Variants in DNAL1 observed in about 807,000 individuals in gnomAD.
DNAL1 encodes the protein dynein axonemal light chain 1.
Under a neutral mutation model 29.4 loss-of-function variants are expected in DNAL1, and 17 were observed. The observed-to-expected ratio is 0.58, with a 90% CI of 0.40 to 0.87. The LOEUF (loss-of-function observed/expected upper bound fraction) is 0.87. Ranked by LOEUF, DNAL1 falls within the 40% of genes least tolerant of loss-of-function variation. The pLI is 0.00. For missense variants in DNAL1, 188 were observed against 214.1 expected, an observed-to-expected ratio of 0.88 and a Z score of 0.76; for synonymous variants, 78 against 76.3, an observed-to-expected ratio of 1.02 and a Z score of -0.12.
Position 73,695,915 on chromosome 14 carries a change from T to A in DNAL1, c.546T>A (p.Ile182=). The change falls in exon 8 of 8, where the codon ATT becomes ATA. Residue 182 remains isoleucine (I), a synonymous_variant. Coordinates refer to ENST00000553645, the MANE Select transcript of DNAL1 (RefSeq NM_031427.4). The stretch of plus-strand genomic sequence containing the variant: ...TTTTCATTTTAGGTACTCCAGTAAT[T>A]AAAGGGGATGAGGAAGAAGACAACT... ...KLKKLDGTPV[I]KGDEEEDN 6.3e-7 allele frequency: 1 copy of A among 1,587,386 alleles called. No individual in the cohort carries two copies. The highest frequency in any genetic ancestry group is 8.6e-7 in the Non-Finnish European group (1 of 1,165,404).
intron 3 of DNAL1, among the ~76,000 whole-genome samples, chr14:73,660,156 C>A (rs963975852): frequency 2.6e-5 from 4 of 152,116 alleles, no homozygotes; most frequent in African/African-American, 9.7e-5. Flanking sequence ...TCTCGAACTC[C>A]TGACCTCAAG....
At chr14:73,691,838 C>T (rs1169746127) in intron 7 of DNAL1, among the ~76,000 whole-genome samples, 1 of 117,644 alleles carries the variant, frequency 8.5e-6, no homozygotes, top group African/African-American at 3.2e-5. Flanking sequence ...GAACTACAGG[C>T]GTGCGCCACC....
At chr14:73,666,571 ATTATG>A (rs1211903848) in intron 4 of DNAL1, among the ~76,000 whole-genome samples, 2 of 152,156 alleles carry the variant, frequency 1.3e-5, no homozygotes, top group Non-Finnish European at 1.5e-5. Context: ...GAAAATATAT[ATTATG>A]TTATGTTAGA....
intron 7 of DNAL1, among the ~76,000 whole-genome samples, chr14:73,695,225 T>C (rs1229143642): frequency 6.6e-6 from 1 of 150,808 alleles, no homozygotes; most frequent in Non-Finnish European, 1.5e-5. Context: ...CCTGGCTAAT[T>C]TTTTTTATTT....
intron 3 of DNAL1, among the ~76,000 whole-genome samples, chr14:73,661,171 A>AT (rs371719254): frequency 0.042 from 6,424 of 151,984 alleles, 406 homozygotes; most frequent in African/African-American, 0.13. Flanking sequence ...CTAAAAAAAA[A>AT]ATATATATAT....
At position 73,696,379 on chromosome 14, in the gene DNAL1, T is replaced by C. The variant is rs1174747569; in HGVS notation, c.*437T>C. On this transcript the variant is annotated 3_prime_UTR_variant, in exon 8 of 8. Coordinates refer to ENST00000553645, the MANE Select transcript of DNAL1 (RefSeq NM_031427.4). ...TGTCTCTGTACAATTCAGAAGCACA[T>C]GCCTTTAGCTCAGAAGGCAGCATGG... 1.3e-5 allele frequency: 2 copies of C among 153,240 alleles called. No individual in the cohort carries two copies. Among genetic ancestry groups the C allele is most frequent in the African/African-American group, 4.8e-5 (2 of 41,466 alleles). The allele number at this position is 153,240 out of a possible 1,614,324, so 9.5% of individuals were successfully genotyped here. A position where few individuals can be genotyped will look rare whatever the true frequency, so the allele number is the denominator to read the frequency against.
At chr14:73,667,220 A>C (rs1208652642) in intron 4 of DNAL1, among the ~76,000 whole-genome samples, 1 of 151,044 alleles carries the variant, frequency 6.6e-6, no homozygotes, top group East Asian at 1.9e-4. Context: ...CCAGCACTTT[A>C]GGATGCCCAG....
At chr14:73,674,841 A>C (rs1942878198) in intron 5 of DNAL1, among the ~76,000 whole-genome samples, 2 of 151,908 alleles carry the variant, frequency 1.3e-5, no homozygotes, top group South Asian at 4.1e-4. Context: ...GGCGTGAGCC[A>C]CCATGCCTGG....
At chr14:73,688,814 G>A (rs141445867) in intron 6 of DNAL1, among the ~76,000 whole-genome samples, 17 of 152,146 alleles carry the variant, frequency 1.1e-4, no homozygotes, top group African/African-American at 3.1e-4. Flanking sequence ...ATCTCATCTC[G>A]TCTTATTTCA....
Position 73,661,999 on chromosome 14 carries a change from G to C in DNAL1, c.165G>C (p.Leu55=). The C allele has an allele frequency of 6.4e-7, 1 of 1,555,514 alleles. No individual in the cohort carries two copies. The highest frequency in any genetic ancestry group is 8.7e-7 in the Non-Finnish European group (1 of 1,149,096). ...SMLANCEKLS[L]STNCIEKIAN... ...TGTTCTTTTAAAGGAAGCTTTCACT[G>C]TCTACAAACTGCATTGAAAAAATTG... Residue 55 remains leucine (L), a synonymous_variant, in exon 4 of 8, where the codon CTG becomes CTC. Coordinates refer to ENST00000553645, the MANE Select transcript of DNAL1 (RefSeq NM_031427.4).
At chr14:73,693,198 T>C (rs1892218215) in intron 7 of DNAL1, among the ~76,000 whole-genome samples, 1 of 152,178 alleles carries the variant, frequency 6.6e-6, no homozygotes, top group Non-Finnish European at 1.5e-5. Context: ...CTAGTGAGGA[T>C]GTGAAGCAAC....
chr14:73,657,964 G>A lies in DNAL1; in HGVS notation c.43-883G>A, dbSNP rs1045819260. On this transcript the variant is annotated intron_variant, in intron 2 of 7. Transcript: ENST00000553645. Reference sequence around the variant, plus strand: ...TGCCTGTGCTTTTGAGGTCTTAGCCGTAAAATCTTCTCCTAGACCAATGTC... The same window carrying A: ...TGCCTGTGCTTTTGAGGTCTTAGCCATAAAATCTTCTCCTAGACCAATGTC... 5.3e-5 allele frequency among the ~76,000 whole-genome samples: 8 copies of A among 152,174 alleles called. No homozygotes were observed. The South Asian group carries it at 6.2e-4, about 12-fold the overall frequency.
intron 5 of DNAL1, 85 bp from the exon 6 acceptor site, chr14:73,687,174 G>A (rs1334893909): frequency 6.6e-7 from 1 of 1,519,944 alleles, no homozygotes; most frequent in East Asian, 2.3e-5. Flanking sequence ...GTTCACTTTG[G>A]AAGCCATTAT....
intron 4 of DNAL1, among the ~76,000 whole-genome samples, chr14:73,669,928 AAATT>A (rs1190617248): frequency 1.3e-5 from 2 of 152,300 alleles, no homozygotes; most frequent in Non-Finnish European, 2.9e-5. Context: ...CTTGTAAGAC[AAATT>A]AATTTATTAA....
intron 5 of DNAL1, among the ~76,000 whole-genome samples, chr14:73,681,792 C>T (rs1341535016): frequency 2.7e-5 from 4 of 150,054 alleles, no homozygotes; most frequent in African/African-American, 7.4e-5. Context: ...AAGACGCTGC[C>T]TCTAAATAAA....
At chr14:73,669,674 C>A (rs945227533) in intron 4 of DNAL1, among the ~76,000 whole-genome samples, 1 of 152,100 alleles carries the variant, frequency 6.6e-6, no homozygotes, top group Admixed American at 6.6e-5. Context: ...AAATGATACT[C>A]CCACTTCACC....
intron 7 of DNAL1, among the ~76,000 whole-genome samples, chr14:73,694,527 T>C (rs1328647315): frequency 8.7e-6 from 1 of 114,488 alleles, no homozygotes; most frequent in African/African-American, 3.8e-5. Flanking sequence ...GAGATGTGCT[T>C]TGTTTCCTCT....
intron 7 of DNAL1, among the ~76,000 whole-genome samples, chr14:73,694,428 T>C (rs1892250696): frequency 6.6e-6 from 1 of 152,120 alleles, no homozygotes; most frequent in African/African-American, 2.4e-5. Flanking sequence ...GGTAAATGGC[T>C]GAAGAGTTAA....
At chr14:73,686,716 A>G (rs543035530) in intron 5 of DNAL1, among the ~76,000 whole-genome samples, 11 of 152,204 alleles carry the variant, frequency 7.2e-5, no homozygotes, top group Non-Finnish European at 1.3e-4. Flanking sequence ...TCAAAACAAA[A>G]CAAAAAACAA....
Sources: allele counts gnomAD v4.1 joint callset (sites outside exome capture counted in the v4.1 genomes callset), GRCh38; gene constraint gnomAD v4.1.1; transcripts MANE v1.5; gene names NCBI Gene and HGNC (gene_info 2026-07-23, HGNC 2026-07-21).